The following TBXA2R variants were observed in gnomAD, a reference collection of about 807,000 sequenced individuals.
TBXA2R encodes thromboxane A2 receptor.
TBXA2R carries 15 observed loss-of-function variants against 15.6 expected under a neutral mutation model. The ratio of observed to expected loss-of-function variants is 0.96; its 90% CI spans 0.64 to 1.48. TBXA2R has a LOEUF of 1.48. Among genes scored for constraint, TBXA2R ranks in the 40% most tolerant of loss-of-function variants. The pLI is 0.00. For synonymous variants in TBXA2R, 280 were observed against 241.2 expected, an observed-to-expected ratio of 1.16 and a Z score of -1.49; for missense variants, 506 against 491.4, an observed-to-expected ratio of 1.03 and a Z score of -0.28.
At chr19:3,602,779 AAAAG>A (rs1236315444) in intron 1 of TBXA2R, among the ~76,000 whole-genome samples, 42 of 151,244 alleles carry the variant, frequency 2.8e-4, no homozygotes, top group Admixed American at 2.8e-3. Context: ...AAAAAAAAGA[AAAAG>A]AAAAGAAAAG....
In TBXA2R at chr19:3,594,894, C is replaced by T; in HGVS notation, c.*794G>A. 2.0e-6 allele frequency: 3 copies of T among 1,536,860 alleles called. No individual in the cohort carries two copies. Among genetic ancestry groups the T allele is most frequent in the Non-Finnish European group, 2.6e-6 (3 of 1,146,848 alleles). ...AGGTTCAAAAGGAAGCAACTGTACC[C>T]CAGCAAGTAGGTCAAATTCAGGGTC... On this transcript the variant is annotated 3_prime_UTR_variant, in exon 3 of 3. Coordinates refer to ENST00000375190, the MANE Select transcript of TBXA2R (RefSeq NM_001060.6).
At chr19:3,598,830 G>A (rs1026798056) in intron 2 of TBXA2R, among the ~76,000 whole-genome samples, 5 of 151,936 alleles carry the variant, frequency 3.3e-5, no homozygotes, top group African/African-American at 4.8e-5. Context: ...CACCACGCCC[G>A]GCTAATTTTT....
intron 1 of TBXA2R, among the ~76,000 whole-genome samples, chr19:3,601,375 T>C (rs2032736216): frequency 6.7e-6 from 1 of 148,264 alleles, no homozygotes; most frequent in Non-Finnish European, 1.5e-5. Flanking sequence ...AAAATATATA[T>C]ATATCTGGGT....
In TBXA2R at chr19:3,600,122, C is replaced by T. The variant is rs200600231; in HGVS notation, c.513G>A (p.Val171=). 29 of 1,611,238 alleles carry T rather than the reference C, an allele frequency of 1.8e-5. No homozygotes were observed. The African/African-American group carries it at 3.6e-4, about 20-fold the overall frequency. The change falls in exon 2 of 3, where the codon GTG becomes GTA. Residue 171 remains valine (V), a synonymous_variant. Transcript: ENST00000375190. ...LALGLLPLLG[V]GRYTVQYPGS... ...CCGGGTATTGCACGGTGTAGCGACC[C>T]ACGCCCAGCAGGGGCAGCAGGCCCA...
chr19:3,595,601 C>A lies in TBXA2R; in HGVS notation c.*87G>T, dbSNP rs4987257. 1.2e-4 allele frequency: 173 copies of A among 1,474,672 alleles called. No homozygotes were observed. Among genetic ancestry groups the A allele is most frequent in the Non-Finnish European group, 1.5e-4 (168 of 1,109,738 alleles). 91.3% of individuals were successfully genotyped at this position (1,474,672 alleles called of 1,614,324 possible). ...CCCACTGTCCATCCAGCACCCCCAG[C>A]CCCTGAATCCTCAGAACAGGCAGAT... On this transcript the variant is annotated 3_prime_UTR_variant, in exon 3 of 3. Coordinates refer to ENST00000375190, the MANE Select transcript of TBXA2R (RefSeq NM_001060.6).
chr19:3,596,663 T>G (rs1367385047), intron 2 of TBXA2R, among the ~76,000 whole-genome samples: 2 of 147,140 alleles, frequency 1.4e-5, no homozygotes, highest in Admixed American at 6.9e-5. Context: ...TGAGACGGAG[T>G]CTCCGCCTCC....
At chr19:3,600,828 T>TTTG in intron 1 of TBXA2R, 111 bp from the exon 2 acceptor site, 1 of 424,684 alleles carries the variant, frequency 2.4e-6, no homozygotes, top group South Asian at 3.9e-5. Context: ...CCTCTCCGGT[T>TTTG]TTTTTTTTTT....
intron 2 of TBXA2R, 22 bp from the exon 3 acceptor site, chr19:3,595,955 G>T: frequency 6.4e-7 from 1 of 1,567,820 alleles, no homozygotes; most frequent in Middle Eastern, 2.1e-4. Context: ...AGAGCTGTCA[G>T]CCTGGGCCCC....
Position 3,595,035 on chromosome 19 carries a change from G to A in TBXA2R, c.*653C>T, listed in dbSNP as rs8113293. 8,615 of 1,096,382 alleles carry A rather than the reference G, an allele frequency of 7.9e-3. 434 individuals carry two copies. The African/African-American group carries it at 0.12, about 15-fold the overall frequency. 67.9% of individuals were successfully genotyped at this position (1,096,382 alleles called of 1,614,324 possible). On this transcript the variant is annotated 3_prime_UTR_variant, in exon 3 of 3. Transcript: ENST00000375190. ...GCGGAGGTTGCAGTGAGCCGAGATC[G>A]TGCCACTGTACTCCAGGCTGGGCCA...
chr19:3,595,080 A>T lies in TBXA2R; in HGVS notation c.*608T>A, dbSNP rs1330732721. ...GGGCCACAGAGTGAGACTCCGTCTA[A>T]AAAAAAAAAAAAAAATGGCCAGGTG... is the stretch of plus-strand genomic sequence containing the variant. On this transcript the variant is annotated 3_prime_UTR_variant, in exon 3 of 3. Transcript: ENST00000375190. 5 of 416,848 alleles carry T rather than the reference A, an allele frequency of 1.2e-5. No individual in the cohort carries two copies. Among genetic ancestry groups the T allele is most frequent in the Non-Finnish European group, 1.9e-5 (5 of 268,554 alleles). 25.8% of individuals were successfully genotyped at this position (416,848 alleles called of 1,614,324 possible). A position where few individuals can be genotyped will look rare whatever the true frequency, so the allele number is the denominator to read the frequency against.
rs1338440992 is a variant in TBXA2R, at chr19:3,600,442, TGAGGAAGGAGGAG to T, written c.180_192del (p.Ser61ProfsTer16). 6.2e-7 allele frequency: 1 copy of T among 1,612,586 alleles called. No homozygotes were observed. The highest frequency in any genetic ancestry group is 1.3e-5 in the African/African-American group (1 of 74,824). ...GTGAGGACGAGGCCGCAGAGGAAGGTGAGGAAGGAGGAGCGCGTGTGCGAACCCCCCTGCCGCG... is the reference window on the plus strand; with the variant it reads ...GTGAGGACGAGGCCGCAGAGGAAGGTCGCGTGTGCGAACCCCCCTGCCGCG... On this transcript the variant is annotated frameshift_variant, in exon 2 of 3. Transcript: ENST00000375190. LOFTEE classifies it high-confidence loss of function.
rs59670236 is a variant in TBXA2R, at chr19:3,603,031, A to G, written c.-83-2314T>C. On this transcript the variant is annotated intron_variant, in intron 1 of 2. Transcript: ENST00000375190. ...AGCCTGGGCGACAGAGCGAGACTCC[A>G]TCTCAAAAAAAAAAAAAAAGTCGGG... Among the ~76,000 whole-genome samples the G allele has an allele frequency of 5.1e-3, 661 of 130,336 alleles. 4 individuals carry two copies. The highest frequency in any genetic ancestry group is 0.031 in the Middle Eastern group (8 of 258). 85.5% of individuals were successfully genotyped at this position (130,336 alleles called of 152,430 possible).
intron 1 of TBXA2R, among the ~76,000 whole-genome samples, chr19:3,602,912 CG>C (rs1568285420): frequency 6.6e-6 from 1 of 150,850 alleles, no homozygotes. Context: ...GGCGGGCGCC[CG>C]TAGTCCCAGC....
In TBXA2R at chr19:3,600,668, C is replaced by A; in HGVS notation, c.-34G>T. 6.2e-7 allele frequency: 1 copy of A among 1,606,708 alleles called. No individual in the cohort carries two copies. Among genetic ancestry groups the A allele is most frequent in the South Asian group, 1.1e-5 (1 of 90,174 alleles). Reference sequence around the variant, plus strand: ...AGCCCTGAGGGATCAGTCACCACCCCATCAGGCCGATGCTGCAGACAGGGC... The same window carrying A: ...AGCCCTGAGGGATCAGTCACCACCCAATCAGGCCGATGCTGCAGACAGGGC... On this transcript the variant is annotated 5_prime_UTR_variant, in exon 2 of 3. An upstream start codon of the reference 5' UTR is lost. Coordinates refer to ENST00000375190, the MANE Select transcript of TBXA2R (RefSeq NM_001060.6).
In TBXA2R at chr19:3,595,674, G is replaced by T; in HGVS notation, c.*14C>A. 6.4e-7 allele frequency: 1 copy of T among 1,568,822 alleles called. No individual in the cohort carries two copies. The highest frequency in any genetic ancestry group is 1.2e-5 in the South Asian group (1 of 85,790). The stretch of plus-strand genomic sequence containing the variant: ...CTCCGCGGAAAGGCGCGGGAGGGGC[G>T]CTCTGTCCACTTCCTACTGCAGCCC... On this transcript the variant is annotated 3_prime_UTR_variant, in exon 3 of 3. Transcript: ENST00000375190.
In TBXA2R at chr19:3,595,842, T is replaced by C. The variant is rs762260331; in HGVS notation, c.878A>G (p.Tyr293Cys). 1.2e-6 allele frequency: 2 copies of C among 1,611,472 alleles called. No individual in the cohort carries two copies. The highest frequency in any genetic ancestry group is 1.7e-6 in the Non-Finnish European group (2 of 1,179,280). The change falls in exon 3 of 3, where the codon TAC (tyrosine) becomes TGC (cysteine). Residue 293 changes from tyrosine to cysteine, a missense_variant. Coordinates refer to ENST00000375190, the MANE Select transcript of TBXA2R (RefSeq NM_001060.6). ...CTGGTTCCAGGTGGCCACGCGCAAGTAGATGAGCAGCTCCTTCTCCGTGGT... is the reference window on the plus strand; with the variant it reads ...CTGGTTCCAGGTGGCCACGCGCAAGCAGATGAGCAGCTCCTTCTCCGTGGT... The part of the protein sequence containing the change: ...SRTTEKELLI[Y>C]LRVATWNQIL...
intron 2 of TBXA2R, among the ~76,000 whole-genome samples, chr19:3,596,869 C>T (rs1484643925): frequency 1.3e-5 from 2 of 151,672 alleles, no homozygotes; most frequent in African/African-American, 4.8e-5. Flanking sequence ...GTGTGAGCCA[C>T]CACACCTGGC....
In TBXA2R at chr19:3,594,711, C is replaced by G; in HGVS notation, c.*977G>C. 1.3e-6 allele frequency: 1 copy of G among 790,400 alleles called. No individual in the cohort carries two copies. The highest frequency in any genetic ancestry group is 2.8e-5 in the East Asian group (1 of 35,236). The allele number at this position is 790,400 out of a possible 1,614,324, so 49.0% of individuals were successfully genotyped here. ...CCTCCCCATCCTTCCCAGCCCTGCC[C>G]TCGTCTGCTCCGGGTGAGGCCCAAT... On this transcript the variant is annotated 3_prime_UTR_variant, in exon 3 of 3. Transcript: ENST00000375190.
rs928905112 is a variant in TBXA2R, at chr19:3,604,487, C to A, written c.-84+2043G>T. ...TGTTCCATCCTCGTGCCCCCTCCCC[C>A]ACTCCCTGGAGCACGTCACCTCATC... is the stretch of plus-strand genomic sequence containing the variant. On this transcript the variant is annotated intron_variant, in intron 1 of 2. Transcript: ENST00000375190. Among the ~76,000 whole-genome samples the A allele has an allele frequency of 4.6e-5, 7 of 152,268 alleles. No homozygotes were observed. In the South Asian group the frequency reaches 8.3e-4, roughly 18 times the overall value.
Sources: gnomAD v4.1 joint callset for allele counts (sites outside exome capture counted in the v4.1 genomes callset) on GRCh38, gnomAD v4.1.1 for gene constraint, MANE v1.5 for transcripts, NCBI Gene and HGNC (gene_info 2026-07-23, HGNC 2026-07-21) for gene names.